The following SDK1 variants were observed in gnomAD, a reference collection of about 807,000 sequenced individuals.
SDK1 encodes protein sidekick-1.
SDK1 carries 157 observed loss-of-function variants against 245.5 expected under a neutral mutation model. That is an observed-to-expected ratio of 0.64 (90% CI 0.56 to 0.73). SDK1 has a LOEUF of 0.73. Among genes scored for constraint, SDK1 ranks in the 30% least tolerant of loss-of-function variants. The probability of loss-of-function intolerance (pLI) is 0.00; values close to 1 mark genes in which losing one functional copy is unlikely to be tolerated. For missense variants in SDK1, 3,583 were observed against 3,002.3 expected, an observed-to-expected ratio of 1.19 and a Z score of -4.52; for synonymous variants, 1,647 against 1,278.5, an observed-to-expected ratio of 1.29 and a Z score of -6.15.
intron 1 of SDK1, among the ~76,000 whole-genome samples, chr7:3,385,545 C>G (rs999319045): frequency 3.3e-5 from 5 of 151,828 alleles, no homozygotes; most frequent in African/African-American, 1.2e-4. Context: ...AGCCTCAGAC[C>G]CATCGCACCT....
rs11290875 is a variant in SDK1 at position 3,719,244 on chromosome 7, GTT to G, written c.713+77156_713+77157del. 3.0e-3 allele frequency among the ~76,000 whole-genome samples: 402 copies of G among 134,220 alleles called. 2 individuals carry two copies. Among genetic ancestry groups the G allele is most frequent in the African/African-American group, 9.4e-3 (351 of 37,160 alleles). The allele number at this position is 134,220 out of a possible 152,430, so 88.1% of individuals were successfully genotyped here. On this transcript the variant is annotated intron_variant, in intron 4 of 44. Transcript: ENST00000404826. ...TTTGGGGATCAGAAAACCCAGAAAG[GTT>G]TTTTTTTTTTTTTTTTAAATATAGG...
At chr7:3,344,325 G>C (rs148615519) in intron 1 of SDK1, among the ~76,000 whole-genome samples, 1 of 152,100 alleles carries the variant, frequency 6.6e-6, no homozygotes, top group African/African-American at 2.4e-5. Context: ...TCACATTGTC[G>C]TGCATCTAGT....
At chr7:4,215,398 C>T (rs1441923124) in intron 38 of SDK1, among the ~76,000 whole-genome samples, 6 of 152,236 alleles carry the variant, frequency 3.9e-5, no homozygotes, top group African/African-American at 1.2e-4. Context: ...CTTCAGCCAG[C>T]GGGACAATAG....
chr7:4,031,957 G>T (rs764046801), intron 17 of SDK1, among the ~76,000 whole-genome samples: 1 of 151,246 alleles, frequency 6.6e-6, no homozygotes, highest in East Asian at 1.9e-4. Flanking sequence ...AACCTGAGAG[G>T]CAGAGGTTGC....
chr7:4,145,883 C>A lies in SDK1; in HGVS notation c.4390C>A (p.Leu1464Met). 6.2e-7 allele frequency: 1 copy of A among 1,608,370 alleles called. No individual in the cohort carries two copies. Among genetic ancestry groups the A allele is most frequent in the East Asian group, 2.2e-5 (1 of 44,464 alleles). Residue 1464 changes from leucine to methionine, a missense_variant, in exon 29 of 45, where the codon CTG becomes ATG. Physicochemically the swap from Leu to Met is conservative, Grantham distance 15 (BLOSUM62 2). Transcript: ENST00000404826. The stretch of plus-strand genomic sequence containing the variant: ...GACGAGGCAGGGCTGGGGGGAGCCA[C>A]TGGAGGCCACCGTCATCACCACCGA... Reference protein sequence around the residue: ...AKTRQGWGEPLEATVITTEKR... With the variant: ...AKTRQGWGEPMEATVITTEKR...
intron 1 of SDK1, among the ~76,000 whole-genome samples, chr7:3,312,315 C>G (rs1331130362): frequency 6.6e-6 from 1 of 152,088 alleles, no homozygotes; most frequent in African/African-American, 2.4e-5. Flanking sequence ...AGAAACAAGT[C>G]ATGCTATAGA....
At chr7:3,822,620 T>A (rs1255644243) in intron 5 of SDK1, among the ~76,000 whole-genome samples, 2 of 151,748 alleles carry the variant, frequency 1.3e-5, no homozygotes, top group African/African-American at 4.8e-5. Context: ...AAATGCAAAA[T>A]TAGCAGGCAT....
At chr7:4,231,049 G>C (rs929713772) in intron 40 of SDK1, among the ~76,000 whole-genome samples, 1 of 152,094 alleles carries the variant, frequency 6.6e-6, no homozygotes, top group African/African-American at 2.4e-5. Context: ...GAGGAGGCCT[G>C]AACAGAGTAA....
chr7:3,608,840 G>A (rs1429252719), intron 1 of SDK1, among the ~76,000 whole-genome samples: 5 of 152,196 alleles, frequency 3.3e-5, no homozygotes, highest in South Asian at 2.1e-4. Context: ...TTTTACTAAA[G>A]TATTAACAAA....
intron 7 of SDK1, among the ~76,000 whole-genome samples, chr7:3,956,763 G>A (rs921222148): frequency 2.0e-5 from 3 of 152,040 alleles, no homozygotes; most frequent in African/African-American, 7.3e-5. Flanking sequence ...CCTGGCTAGG[G>A]TGGAGAGAGG....
At chr7:3,306,342 C>G (rs575654940) in intron 1 of SDK1, among the ~76,000 whole-genome samples, 1 of 152,256 alleles carries the variant, frequency 6.6e-6, no homozygotes, top group East Asian at 1.9e-4. Flanking sequence ...TCTTTCATAA[C>G]ATAACATGAA....
intron 5 of SDK1, among the ~76,000 whole-genome samples, chr7:3,933,208 T>C (rs1179143938): frequency 1.4e-5 from 2 of 142,574 alleles, no homozygotes; most frequent in Admixed American, 7.5e-5. Flanking sequence ...CCTCCTGGGC[T>C]CAAGTGATCC....
At chr7:4,001,897 G>T (rs563798540) in intron 14 of SDK1, among the ~76,000 whole-genome samples, 1 of 152,302 alleles carries the variant, frequency 6.6e-6, no homozygotes, top group African/African-American at 2.4e-5. Flanking sequence ...TTGCCACCAC[G>T]AACAGGTCTC....
chr7:3,604,827 C>G (rs1271854296), intron 1 of SDK1, among the ~76,000 whole-genome samples: 4 of 151,858 alleles, frequency 2.6e-5, no homozygotes, highest in Non-Finnish European at 4.4e-5. Context: ...GTCTTGAACT[C>G]CCAACTTCTG....
chr7:3,581,788 C>T (rs1037016330), intron 1 of SDK1, among the ~76,000 whole-genome samples: 2 of 152,200 alleles, frequency 1.3e-5, no homozygotes, highest in Non-Finnish European at 2.9e-5. Context: ...AAATGTGGTA[C>T]ATATACACCT....
intron 44 of SDK1, among the ~76,000 whole-genome samples, chr7:4,256,688 G>T (rs937656550): frequency 6.6e-6 from 1 of 152,234 alleles, no homozygotes; most frequent in African/African-American, 2.4e-5. Flanking sequence ...CTTCAAGCCA[G>T]TGTTTTGACA....
intron 1 of SDK1, among the ~76,000 whole-genome samples, chr7:3,477,687 ATTTTT>A (rs1237394534): frequency 6.6e-6 from 1 of 151,176 alleles, no homozygotes; most frequent in African/African-American, 2.4e-5. Flanking sequence ...CTAATTTTTA[ATTTTT>A]TTGTGGAGAT....
At chr7:3,584,627 C>G (rs1427437021) in intron 1 of SDK1, among the ~76,000 whole-genome samples, 3 of 152,156 alleles carry the variant, frequency 2.0e-5, no homozygotes, top group Non-Finnish European at 4.4e-5. Context: ...TCTGAGAGAA[C>G]TTTCCAGAGA....
At chr7:3,496,296 G>A (rs1270615378) in intron 1 of SDK1, among the ~76,000 whole-genome samples, 1 of 152,066 alleles carries the variant, frequency 6.6e-6, no homozygotes, top group Non-Finnish European at 1.5e-5. Context: ...TGTTTTAGCT[G>A]CTGTTATTAT....
Sources: gnomAD v4.1 joint callset for allele counts (sites outside exome capture counted in the v4.1 genomes callset) on GRCh38, gnomAD v4.1.1 for gene constraint, MANE v1.5 for transcripts, NCBI Gene and HGNC (gene_info 2026-07-23, HGNC 2026-07-21) for gene names.